Variants in IDS observed in about 807,000 individuals in gnomAD.
IDS encodes the protein alpha-L-iduronate sulfate sulfatase.
A neutral mutation model predicts 33.5 loss-of-function variants in IDS; 1 was observed. That is an observed-to-expected ratio of 0.03 (90% CI 0.01 to 0.14). IDS has a LOEUF of 0.14. Ranked by LOEUF, IDS falls within the 10% of genes least tolerant of loss-of-function variation. The probability of loss-of-function intolerance (pLI) is 1.00; values close to 1 mark genes in which losing one functional copy is unlikely to be tolerated. For missense variants in IDS, 328 were observed against 448.0 expected (o/e 0.73, Z 2.42); for synonymous variants, 191 against 184.4 (o/e 1.04, Z -0.29).
intron 8 of IDS, among the ~76,000 whole-genome samples, 182 bp downstream of exon 8, chrX:149,486,743 C>G (rs1557338073): frequency 3.6e-5 from 4 of 111,357 alleles, no homozygotes; most frequent in Non-Finnish European, 7.5e-5. Flanking sequence ...CTTTCCCCAC[C>G]CAGAGTATGG....
At chrX:149,488,500 C>T (rs1224572564) in intron 7 of IDS, among the ~76,000 whole-genome samples, 2 of 109,492 alleles carry the variant, frequency 1.8e-5, no homozygotes, top group African/African-American at 6.7e-5. Flanking sequence ...GACTGGGGTG[C>T]CTGTGGAGGC....
intron 7 of IDS, 50 bp downstream of exon 7, chrX:149,490,264 A>C: frequency 5.0e-6 from 6 of 1,188,218 alleles, no homozygotes; most frequent in Non-Finnish European, 6.9e-6. Flanking sequence ...AGCATGTTTC[A>C]CAGGAAAGTT....
In IDS at chrX:149,500,697, A is replaced by G. The variant is rs1303846970; in HGVS notation, c.507+252T>C. On this transcript the variant is annotated intron_variant, in intron 4 of 8. Transcript: ENST00000340855. Reference sequence around the variant, plus strand: ...CAGCGTGAGCACTGGGGAGCTATTCAATGAGTCTGACACGTTAGAGCCCAA... The same window carrying G: ...CAGCGTGAGCACTGGGGAGCTATTCGATGAGTCTGACACGTTAGAGCCCAA... 2.7e-5 allele frequency among the ~76,000 whole-genome samples: 3 copies of G among 111,769 alleles called. No individual in the cohort carries two copies. The East Asian group carries it at 8.4e-4, about 31-fold the overall frequency.
chrX:149,487,413 A>C (rs1557338241), intron 7 of IDS: 1 of 607,640 alleles, frequency 1.6e-6, no homozygotes, highest in African/African-American at 2.2e-5. Flanking sequence ...GTTCCCACAC[A>C]TGCGTTCCTC....
intron 5 of IDS, among the ~76,000 whole-genome samples, 154 bp from the exon 6 acceptor site, chrX:149,496,670 G>A (rs1310608782): frequency 1.8e-5 from 2 of 112,425 alleles, no homozygotes; most frequent in Non-Finnish European, 3.8e-5. Flanking sequence ...CCCTGACCTG[G>A]AAGTCCAGCC....
intron 5 of IDS, among the ~76,000 whole-genome samples, chrX:149,497,396 C>T (rs782595916): frequency 1.5e-3 from 170 of 112,041 alleles, no homozygotes; most frequent in Non-Finnish European, 1.8e-3. Flanking sequence ...GTGAACCTCA[C>T]AGCCTTCTTC....
intron 7 of IDS, among the ~76,000 whole-genome samples, chrX:149,489,780 A>C (rs2089372851): frequency 9.0e-6 from 1 of 111,059 alleles, no homozygotes; most frequent in Non-Finnish European, 1.9e-5. Flanking sequence ...CTGCTCTTGG[A>C]ATGTTGAAGA....
rs1352374568 is a variant in IDS at position 149,498,313 on chromosome X, A to G, written c.508-6T>C. On this transcript the variant is annotated splice_region_variant and splice_polypyrimidine_tract_variant and intron_variant, in intron 4 of 8. Transcript: ENST00000340855. The stretch of plus-strand genomic sequence containing the variant: ...CCATCTGGCCCTCGACATGTCTTTC[A>G]AAACAAAATAATATAACATCAGCTT... The G allele has an allele frequency of 3.4e-6, 4 of 1,191,540 alleles. No individual in the cohort carries two copies. Among genetic ancestry groups the G allele is most frequent in the Non-Finnish European group, 4.6e-6 (4 of 878,397 alleles).
rs2124046491 is a variant in IDS, at chrX:149,498,146, A to C, written c.669T>G (p.Val223=). The C allele has an allele frequency of 8.3e-7, 1 of 1,211,423 alleles. No individual in the cohort carries two copies. The change falls in exon 5 of 9, where the codon GTT becomes GTG. Residue 223 remains valine, a synonymous_variant. Coordinates refer to ENST00000340855, the MANE Select transcript of IDS (RefSeq NM_000202.8). ...KTSASPFFLA[V]GYHKPHIPFR... ...AGGGGATGTGTGGCTTATGATACCC[A>C]ACGGCCAGGAAGAAAGGACTGGCTG...
intron 6 of IDS, among the ~76,000 whole-genome samples, chrX:149,495,930 C>A (rs1673149609): frequency 8.9e-6 from 1 of 112,437 alleles, no homozygotes; most frequent in Non-Finnish European, 1.9e-5. Flanking sequence ...CCAGGATGGG[C>A]TTTCCCACAG....
intron 7 of IDS, among the ~76,000 whole-genome samples, chrX:149,489,863 A>ACTTG (rs1289223369): frequency 9.0e-6 from 1 of 110,858 alleles, no homozygotes; most frequent in Non-Finnish European, 1.9e-5. Context: ...GGAGATAAAG[A>ACTTG]CTTGAAAAGC....
chrX:149,500,727 T>C (rs1557339855), intron 4 of IDS, among the ~76,000 whole-genome samples: 1 of 112,022 alleles, frequency 8.9e-6, no homozygotes, highest in Non-Finnish European at 1.9e-5. Context: ...GCCCAAGGTT[T>C]TAGAACAAGT....
intron 3 of IDS, chrX:149,501,927 C>T (rs1557340028): frequency 1.3e-5 from 3 of 234,295 alleles, no homozygotes; most frequent in Non-Finnish European, 2.4e-5. Flanking sequence ...CCTGATGCTG[C>T]CTCTTAGCAT....
Position 149,502,791 on chromosome X carries a change from G to A in IDS, c.418+521C>T, listed in dbSNP as rs907963366. ...GCAGCATTTGAGGTAAGGAATGTCCGTCTCTGGGACCCTATAGATCCTGGG... is the reference window on the plus strand; with the variant it reads ...GCAGCATTTGAGGTAAGGAATGTCCATCTCTGGGACCCTATAGATCCTGGG... On this transcript the variant is annotated intron_variant, in intron 3 of 8. Coordinates refer to ENST00000340855, the MANE Select transcript of IDS (RefSeq NM_000202.8). 10 of 165,937 alleles carry A rather than the reference G, an allele frequency of 6.0e-5. 1 individual carries two copies. The highest frequency in any genetic ancestry group is 1.5e-4 in the African/African-American group (5 of 33,106). 13.7% of individuals were successfully genotyped at this position (165,937 alleles called of 1,213,427 possible).
chrX:149,484,327 C>A (rs1216512163), intron 8 of IDS, among the ~76,000 whole-genome samples: 1 of 111,117 alleles, frequency 9.0e-6, no homozygotes, highest in Non-Finnish European at 1.9e-5. Context: ...TTGTTTCATT[C>A]TTTTTTTTTA....
Position 149,482,776 on chromosome X carries a change from A to C in IDS, c.1623T>G (p.Gly541=), listed in dbSNP as rs1557337565. ...QDHNMYNDSQ[G]GDLFQLLMP is the part of the protein sequence containing the mutation. ...GCATCAACAACTGGAAAAGATCTCC[A>C]CCTTGGGAATCATTATACATATTGT... The change falls in exon 9 of 9, where the codon GGT becomes GGG. Residue 541 remains glycine (G), a synonymous_variant. Coordinates refer to ENST00000340855, the MANE Select transcript of IDS (RefSeq NM_000202.8). The C allele has an allele frequency of 2.5e-6, 3 of 1,211,736 alleles. No individual in the cohort carries two copies. The South Asian group carries it at 5.3e-5, about 21-fold the overall frequency.
intron 8 of IDS, among the ~76,000 whole-genome samples, chrX:149,485,835 G>C (rs2089331459): frequency 8.9e-6 from 1 of 112,103 alleles, no homozygotes. Flanking sequence ...CATGAAAGAA[G>C]ACAGGACATG....
Position 149,483,148 on chromosome X carries a change from C to T in IDS, c.1251G>A (p.Gln417=), listed in dbSNP as rs1557337656. The T allele has an allele frequency of 8.3e-7, 1 of 1,211,142 alleles. No homozygotes were observed. Among genetic ancestry groups the T allele is most frequent in the African/African-American group, 1.7e-5 (1 of 57,626 alleles). The change falls in exon 9 of 9, where the codon CAG becomes CAA. Residue 417 remains glutamine, a synonymous_variant. Coordinates refer to ENST00000340855, the MANE Select transcript of IDS (RefSeq NM_000202.8). Reference sequence around the variant, plus strand: ...AAGGAACGGGGCAGCGAGGTGGAACCTGCAGTCCTGCAAGTCCAGCCAGCG... The same window carrying T: ...AAGGAACGGGGCAGCGAGGTGGAACTTGCAGTCCTGCAAGTCCAGCCAGCG... ...FPTLAGLAGL[Q]VPPRCPVPSF...
chrX:149,491,696 G>T lies in IDS; in HGVS notation c.880-1256C>A, dbSNP rs782161073. On this transcript the variant is annotated intron_variant, in intron 6 of 8. Coordinates refer to ENST00000340855, the MANE Select transcript of IDS (RefSeq NM_000202.8). ...GGGATGAAAGACACCTGTCAGGATG[G>T]CTATGTCCTATACAAAGGTATTCCC... is the stretch of plus-strand genomic sequence containing the variant. The T allele has an allele frequency of 1.8e-5, 18 of 974,543 alleles. No individual in the cohort carries two copies. In the South Asian group the frequency reaches 3.5e-4, roughly 19 times the overall value. The allele number at this position is 974,543 out of a possible 1,213,427, so 80.3% of individuals were successfully genotyped here. A position where few individuals can be genotyped will look rare whatever the true frequency, so the allele number is the denominator to read the frequency against.
Sources: allele counts gnomAD v4.1 joint callset (sites outside exome capture counted in the v4.1 genomes callset), GRCh38; gene constraint gnomAD v4.1.1; transcripts MANE v1.5; gene names NCBI Gene and HGNC (gene_info 2026-07-23, HGNC 2026-07-21).